SH3GL2: variants seen among roughly 807,000 people sequenced by gnomAD.
SH3GL2 encodes endophilin-A1.
SH3GL2 carries 24 observed loss-of-function variants against 46.0 expected under a neutral mutation model. That is an observed-to-expected ratio of 0.52 (90% CI 0.38 to 0.73). The LOEUF is 0.73. Ranked by LOEUF, SH3GL2 falls within the 30% of genes least tolerant of loss-of-function variation. The pLI is 0.00. For synonymous variants in SH3GL2, 196 were observed against 147.1 expected, an observed-to-expected ratio of 1.33 and a Z score of -2.40; for missense variants, 413 against 424.2, an observed-to-expected ratio of 0.97 and a Z score of 0.23.
At chr9:17,603,002 A>G (rs929208145) in intron 1 of SH3GL2, among the ~76,000 whole-genome samples, 1 of 152,162 alleles carries the variant, frequency 6.6e-6, no homozygotes, top group African/African-American at 2.4e-5. Context: ...CACATTTACA[A>G]CAGGAGCTTG....
chr9:17,730,259 G>A (rs538397587), intron 1 of SH3GL2, among the ~76,000 whole-genome samples: 3 of 152,022 alleles, frequency 2.0e-5, no homozygotes, highest in African/African-American at 7.2e-5. Context: ...TGGGCTCACT[G>A]TCTATTATTG....
intron 1 of SH3GL2, among the ~76,000 whole-genome samples, chr9:17,675,783 A>G (rs10963197): frequency 0.014 from 2,061 of 152,202 alleles, 63 homozygotes; most frequent in African/African-American, 0.047. Flanking sequence ...TGTGTCTACT[A>G]AAAATACAAA....
intron 1 of SH3GL2, among the ~76,000 whole-genome samples, chr9:17,730,036 G>T (rs935329185): frequency 6.6e-6 from 1 of 152,034 alleles, no homozygotes; most frequent in Non-Finnish European, 1.5e-5. Context: ...CACTGAATCT[G>T]TAAATTACTT....
chr9:17,733,005 G>A (rs1373697460), intron 1 of SH3GL2, among the ~76,000 whole-genome samples: 5 of 151,950 alleles, frequency 3.3e-5, no homozygotes, highest in Non-Finnish European at 5.9e-5. Flanking sequence ...CACTCCCCAC[G>A]TCCTTGGCAG....
At chr9:17,746,277 C>T (rs936864163) in intron 1 of SH3GL2, among the ~76,000 whole-genome samples, 8 of 152,064 alleles carry the variant, frequency 5.3e-5, no homozygotes, top group African/African-American at 1.4e-4. Context: ...GGGGTTTCAC[C>T]GTGTTAGCCA....
chr9:17,758,091 G>A (rs1823051517), intron 2 of SH3GL2, among the ~76,000 whole-genome samples: 1 of 152,172 alleles, frequency 6.6e-6, no homozygotes, highest in Admixed American at 6.5e-5. Context: ...CTTTTTTAAA[G>A]AAAGCCTCTG....
chr9:17,788,553 C>T (rs147453807), intron 5 of SH3GL2, among the ~76,000 whole-genome samples: 253 of 152,134 alleles, frequency 1.7e-3, no homozygotes, highest in Non-Finnish European at 2.8e-3. Context: ...GAAAGACTAG[C>T]TATCGGGGAA....
chr9:17,683,162 G>A (rs1820819102), intron 1 of SH3GL2, among the ~76,000 whole-genome samples: 1 of 152,062 alleles, frequency 6.6e-6, no homozygotes, highest in Non-Finnish European at 1.5e-5. Flanking sequence ...AAAAGACTGA[G>A]TTATGTTTTA....
intron 1 of SH3GL2, among the ~76,000 whole-genome samples, chr9:17,680,395 A>G (rs1820736559): frequency 2.0e-5 from 3 of 152,144 alleles, no homozygotes; most frequent in Admixed American, 2.0e-4. Flanking sequence ...CATTTCTTCT[A>G]GATTTTCTAG....
rs1821317186 is a variant in SH3GL2 at position 17,700,366 on chromosome 9, CTG to C, written c.46-46698_46-46697del. On this transcript the variant is annotated intron_variant, in intron 1 of 8. Transcript: ENST00000380607. ...ATGTAGGATTTACCCAGTAGCAAAA[CTG>C]TAAATTCAGGGTCTTCAAGCTAAAA... Among the ~76,000 whole-genome samples the C allele has an allele frequency of 2.0e-5, 3 of 152,224 alleles. No individual in the cohort carries two copies. In the South Asian group the frequency reaches 6.2e-4, roughly 32 times the overall value.
intron 1 of SH3GL2, among the ~76,000 whole-genome samples, chr9:17,582,283 GATT>G (rs1264785710): frequency 1.5e-4 from 2 of 13,120 alleles, no homozygotes; most frequent in East Asian, 1.7e-3. Flanking sequence ...ACCAAAAATT[GATT>G]GATCATCTTA....
chr9:17,701,759 A>G (rs1178019543), intron 1 of SH3GL2, among the ~76,000 whole-genome samples: 2 of 152,148 alleles, frequency 1.3e-5, no homozygotes, highest in Non-Finnish European at 2.9e-5. Context: ...TAATTTTTCT[A>G]TTTAAAAAAT....
intron 3 of SH3GL2, among the ~76,000 whole-genome samples, chr9:17,762,946 C>CT (rs1176922969): frequency 6.6e-6 from 1 of 152,090 alleles, no homozygotes; most frequent in African/African-American, 2.4e-5. Flanking sequence ...TTATCTTTGC[C>CT]TAGAACCTTG....
chr9:17,779,265 G>A lies in SH3GL2; in HGVS notation c.188-7116G>A, dbSNP rs369918545. On this transcript the variant is annotated intron_variant, in intron 3 of 8. Coordinates refer to ENST00000380607, the MANE Select transcript of SH3GL2 (RefSeq NM_003026.5). ...AATGTTTTCTGAGTAATTCTGATAT[G>A]CATCAGGTTGACCACCACTAGTAAA... 9.2e-5 allele frequency among the ~76,000 whole-genome samples: 14 copies of A among 152,146 alleles called. 1 individual carries two copies. In the East Asian group the frequency reaches 1.3e-3, roughly 15 times the overall value.
Position 17,795,669 on chromosome 9 carries a change from G to A in SH3GL2, c.985G>A (p.Glu329Lys). 1 of 1,614,044 alleles carries A rather than the reference G, an allele frequency of 6.2e-7. No individual in the cohort carries two copies. Among genetic ancestry groups the A allele is most frequent in the Non-Finnish European group, 8.5e-7 (1 of 1,179,940 alleles). ...LTNQIDENWY[E>K]GMLHGHSGFF... ...TAACCAAATTGATGAGAACTGGTATGAGGGGATGCTGCATGGCCATTCAGG... is the reference window on the plus strand; with the variant it reads ...TAACCAAATTGATGAGAACTGGTATAAGGGGATGCTGCATGGCCATTCAGG... Residue 329 changes from glutamate to lysine, a missense_variant, in exon 9 of 9, where the codon GAG (glutamate) becomes AAG (lysine). By Grantham distance (56) the Glu-to-Lys change is moderately conservative. Coordinates refer to ENST00000380607, the MANE Select transcript of SH3GL2 (RefSeq NM_003026.5).
At chr9:17,766,274 A>G (rs1423118010) in intron 3 of SH3GL2, among the ~76,000 whole-genome samples, 1 of 152,240 alleles carries the variant, frequency 6.6e-6, no homozygotes, top group African/African-American at 2.4e-5. Context: ...AGAACGCAGG[A>G]CAGACAGCTG....
rs58474566 is a variant in SH3GL2, at chr9:17,608,147, C to CTTTTTTT, written c.45+28872_45+28878dup. 8.3e-5 allele frequency among the ~76,000 whole-genome samples: 10 copies of CTTTTTTT among 120,336 alleles called. 1 individual carries two copies. Among genetic ancestry groups the CTTTTTTT allele is most frequent in the African/African-American group, 9.3e-5 (3 of 32,390 alleles). 78.9% of individuals were successfully genotyped at this position (120,336 alleles called of 152,430 possible). On this transcript the variant is annotated intron_variant, in intron 1 of 8. Coordinates refer to ENST00000380607, the MANE Select transcript of SH3GL2 (RefSeq NM_003026.5). ...GAATTTAGAATTTGTAAGCTTTCCT[C>CTTTTTTT]TTTTTTTTTTTTTTTTTTGAGATGG...
At chr9:17,652,774 C>A (rs894841769) in intron 1 of SH3GL2, among the ~76,000 whole-genome samples, 2 of 152,122 alleles carry the variant, frequency 1.3e-5, no homozygotes, top group African/African-American at 4.8e-5. Flanking sequence ...TTTAAATTTT[C>A]TATCAGTTGC....
At chr9:17,694,446 A>G (rs1821156368) in intron 1 of SH3GL2, among the ~76,000 whole-genome samples, 1 of 152,196 alleles carries the variant, frequency 6.6e-6, no homozygotes, top group Non-Finnish European at 1.5e-5. Context: ...AGCAACTACT[A>G]TAATTGCCTT....
Sources: allele counts gnomAD v4.1 joint callset (sites outside exome capture counted in the v4.1 genomes callset), GRCh38; gene constraint gnomAD v4.1.1; transcripts MANE v1.5; gene names NCBI Gene and HGNC (gene_info 2026-07-23, HGNC 2026-07-21).